GPR15LG: variants seen among roughly 807,000 people sequenced by gnomAD.
The protein encoded by GPR15LG is protein GPR15LG.
the GPR15LG span, among the ~76,000 whole-genome samples, chr10:84,177,760 C>T: frequency 6.6e-6 from 1 of 152,176 alleles, no homozygotes; most frequent in African/African-American, 2.4e-5. Context: ...GCAGGGTGAG[C>T]GCAGGCTGTG....
At chr10:84,179,003 C>T in the GPR15LG span, among the ~76,000 whole-genome samples, 1 of 152,196 alleles carries the variant, frequency 6.6e-6, no homozygotes, top group Non-Finnish European at 1.5e-5. Flanking sequence ...GATCTTTCCA[C>T]CTCTTTCCAC....
the GPR15LG span, among the ~76,000 whole-genome samples, chr10:84,179,921 C>G: frequency 8.7e-6 from 1 of 115,534 alleles, no homozygotes; most frequent in African/African-American, 3.5e-5. Context: ...TTGGGTGTTT[C>G]TTGGAGAGGG....
At chr10:84,174,684 G>T in the GPR15LG span, among the ~76,000 whole-genome samples, 7 of 151,860 alleles carry the variant, frequency 4.6e-5, no homozygotes, top group Non-Finnish European at 7.4e-5. Flanking sequence ...GTACAGACAG[G>T]TTTCACCATC....
chr10:84,175,882 T>A, the GPR15LG span, among the ~76,000 whole-genome samples: 1 of 152,078 alleles, frequency 6.6e-6, no homozygotes, highest in Non-Finnish European at 1.5e-5. Flanking sequence ...CTTTTTTTCT[T>A]TTTTTCTTTT....
chr10:84,179,877 C>CTTTT, the GPR15LG span, among the ~76,000 whole-genome samples: 16 of 132,324 alleles, frequency 1.2e-4, no homozygotes, highest in African/African-American at 3.8e-4. Flanking sequence ...TTTAAAAAGG[C>CTTTT]TTTTTTTTTT....
the GPR15LG span, among the ~76,000 whole-genome samples, chr10:84,180,460 G>A: frequency 5.8e-4 from 88 of 150,552 alleles, no homozygotes; most frequent in Non-Finnish European, 9.9e-4. Flanking sequence ...GGTCGCGGCC[G>A]GGCAGAGGCG....
chr10:84,181,242 T>A, the GPR15LG span, among the ~76,000 whole-genome samples: 1 of 88,208 alleles, frequency 1.1e-5, no homozygotes, highest in Non-Finnish European at 2.4e-5. Context: ...AAAATTAAAT[T>A]TTTTTTTTTT....
the GPR15LG span, among the ~76,000 whole-genome samples, chr10:84,181,186 GGAGGGA>G: frequency 1.7e-4 from 20 of 120,918 alleles, no homozygotes; most frequent in East Asian, 6.7e-4. Context: ...CGTGCAAAGA[GGAGGGA>G]GAGGGAGAGG....
the GPR15LG span, among the ~76,000 whole-genome samples, chr10:84,182,925 A>G: frequency 6.6e-6 from 1 of 152,152 alleles, no homozygotes; most frequent in African/African-American, 2.4e-5. Flanking sequence ...ATGCTGGTGG[A>G]AAATGCTCAT....
At chr10:84,174,024 G>A in the GPR15LG span, 82 of 913,914 alleles carry the variant, frequency 9.0e-5, no homozygotes, top group Middle Eastern at 6.2e-4. Context: ...GCAGGCCTTG[G>A]CAGGCAGTCC....
chr10:84,175,876 T>C, the GPR15LG span, among the ~76,000 whole-genome samples: 1 of 151,984 alleles, frequency 6.6e-6, no homozygotes, highest in Non-Finnish European at 1.5e-5. Context: ...TTCAGGCTTT[T>C]TTTCTTTTTT....
chr10:84,178,604 C>T, the GPR15LG span, among the ~76,000 whole-genome samples: 76 of 151,752 alleles, frequency 5.0e-4, no homozygotes, highest in South Asian at 8.1e-3. Context: ...ACACTACACT[C>T]CTATGCTACA....
chr10:84,175,355 C>A, the GPR15LG span, among the ~76,000 whole-genome samples: 1 of 152,180 alleles, frequency 6.6e-6, no homozygotes, highest in African/African-American at 2.4e-5. Context: ...GGATAGATAC[C>A]TTCCCCCATA....
chr10:84,183,198 C>T, the GPR15LG span, among the ~76,000 whole-genome samples: 1 of 152,164 alleles, frequency 6.6e-6, no homozygotes, highest in East Asian at 1.9e-4. Context: ...TACAATAATC[C>T]TAAAAGTTAG....
chr10:84,179,090 G>A, the GPR15LG span, among the ~76,000 whole-genome samples: 8 of 152,298 alleles, frequency 5.3e-5, no homozygotes, highest in East Asian at 1.2e-3. Context: ...CAAGCCAGAC[G>A]GCTGACTTCC....
At chr10:84,179,407 C>G in the GPR15LG span, among the ~76,000 whole-genome samples, 1 of 152,178 alleles carries the variant, frequency 6.6e-6, no homozygotes, top group Non-Finnish European at 1.5e-5. Context: ...AAAGCCTGCA[C>G]GTTCTTGTCC....
chr10:84,184,586 A>T, the GPR15LG span: 21 of 1,254,378 alleles, frequency 1.7e-5, no homozygotes, highest in Non-Finnish European at 2.4e-5. Context: ...TGAAAATGCA[A>T]CTTAATTGTG....
the GPR15LG span, among the ~76,000 whole-genome samples, chr10:84,177,448 C>T: frequency 6.6e-6 from 1 of 152,218 alleles, no homozygotes; most frequent in African/African-American, 2.4e-5. Context: ...CCAGTGCCCA[C>T]TCTCAAGAGG....
At chr10:84,184,819 G>C in the GPR15LG span, 1 of 1,608,760 alleles carries the variant, frequency 6.2e-7, no homozygotes, top group Non-Finnish European at 8.5e-7. Flanking sequence ...TGGCACCTGA[G>C]GTACCCAGCA....
Sources: gnomAD v4.1 joint callset for allele counts (sites outside exome capture counted in the v4.1 genomes callset) on GRCh38, gnomAD v4.1.1 for gene constraint, MANE v1.5 for transcripts, NCBI Gene and HGNC (gene_info 2026-07-23, HGNC 2026-07-21) for gene names.